The following CHUK variants were observed in gnomAD, a reference collection of about 807,000 sequenced individuals.
CHUK encodes the protein component of inhibitor of nuclear factor kappa B kinase complex.
A neutral mutation model predicts 104.8 loss-of-function variants in CHUK; 35 were observed. That is an observed-to-expected ratio of 0.33 (90% CI 0.26 to 0.44). The LOEUF (loss-of-function observed/expected upper bound fraction) is 0.44, where lower values mean the gene tolerates loss of function less well. CHUK is among the 20% of genes least tolerant of loss of function. The pLI, the probability that CHUK is intolerant of heterozygous loss-of-function variation, is 1.00. For missense variants in CHUK, 663 were observed against 902.7 expected (o/e 0.73, Z 3.40); for synonymous variants, 276 against 291.9 (o/e 0.95, Z 0.56).
intron 1 of CHUK, 123 bp downstream of exon 1, chr10:100,229,305 C>T: frequency 1.3e-6 from 1 of 743,784 alleles, no homozygotes; most frequent in Non-Finnish European, 2.4e-6. Context: ...AGCCCACTGG[C>T]CCCCAAATAC....
chr10:100,227,710 T>C (rs17885645), intron 1 of CHUK, among the ~76,000 whole-genome samples: 44,020 of 152,102 alleles, frequency 0.29, 8,049 homozygotes, highest in Non-Finnish European at 0.43. Flanking sequence ...TTCACAAAAC[T>C]TCCTCAGTTC....
Position 100,229,573 on chromosome 10 carries a change from C to A in CHUK, c.-41G>T. 2 of 1,322,250 alleles carry A rather than the reference C, an allele frequency of 1.5e-6. No individual in the cohort carries two copies. Among genetic ancestry groups the A allele is most frequent in the South Asian group, 2.6e-5 (2 of 76,766 alleles). The allele number at this position is 1,322,250 out of a possible 1,614,324, so 81.9% of individuals were successfully genotyped here. On this transcript the variant is annotated 5_prime_UTR_variant, in exon 1 of 21. Coordinates refer to ENST00000370397, the MANE Select transcript of CHUK (RefSeq NM_001278.5). ...GCGGCCTCAGGTTCCACAGTTGTTCCAAGGCCGGTTCCGGGCCGCCGATGC... is the reference window on the plus strand; with the variant it reads ...GCGGCCTCAGGTTCCACAGTTGTTCAAAGGCCGGTTCCGGGCCGCCGATGC...
intron 4 of CHUK, among the ~76,000 whole-genome samples, chr10:100,221,038 G>C (rs933670351): frequency 1.1e-4 from 16 of 152,084 alleles, no homozygotes; most frequent in African/African-American, 3.6e-4. Flanking sequence ...AAAATCTATG[G>C]GGAAACAAAT....
downstream of CHUK, chr10:100,187,912 T>C (rs1183869736): frequency 2.6e-5 from 4 of 152,264 alleles, no homozygotes; most frequent in Admixed American, 2.6e-4. Flanking sequence ...ATACTGCCTA[T>C]GTTGTTTCAG....
chr10:100,224,767 AG>A (rs1846068101), intron 2 of CHUK, among the ~76,000 whole-genome samples: 1 of 152,118 alleles, frequency 6.6e-6, no homozygotes, highest in South Asian at 2.1e-4. Context: ...GAAATGAAAT[AG>A]TTTTTTGATT....
chr10:100,191,293 T>C (rs1845196917), intron 19 of CHUK, among the ~76,000 whole-genome samples: 1 of 152,234 alleles, frequency 6.6e-6, no homozygotes, highest in Non-Finnish European at 1.5e-5. Flanking sequence ...AAAAAATCCT[T>C]GTGGCAAAGA....
At chr10:100,223,610 TAA>T (rs11287365) in intron 2 of CHUK, among the ~76,000 whole-genome samples, 1 of 147,128 alleles carries the variant, frequency 6.8e-6, no homozygotes, top group African/African-American at 2.5e-5. Flanking sequence ...ACATCTCTTT[TAA>T]AAAAAAAAAG....
intron 9 of CHUK, among the ~76,000 whole-genome samples, chr10:100,215,786 C>A (rs575962828): frequency 6.6e-6 from 1 of 152,238 alleles, no homozygotes; most frequent in African/African-American, 2.4e-5. Context: ...GGAAAATGTC[C>A]TACAGTAACA....
chr10:100,193,645 T>C (rs1845256099), intron 18 of CHUK: 1 of 620,370 alleles, frequency 1.6e-6, no homozygotes, highest in African/African-American at 1.9e-5. Context: ...TATCCACTCA[T>C]CTTATACCAT....
chr10:100,204,773 A>C, intron 12 of CHUK, 116 bp from the exon 13 acceptor site: 1 of 871,260 alleles, frequency 1.1e-6, no homozygotes, highest in South Asian at 1.6e-5. Context: ...AGTTTCTATT[A>C]TCAATCTATG....
intron 14 of CHUK, 75 bp downstream of exon 14, chr10:100,202,013 T>C (rs1450642788): frequency 2.7e-6 from 3 of 1,116,118 alleles, no homozygotes; most frequent in Non-Finnish European, 4.1e-6. Flanking sequence ...GCTCTTTATA[T>C]ATCAAAACCA....
Position 100,212,450 on chromosome 10 carries a change from G to C in CHUK, c.934-2661C>G, listed in dbSNP as rs545961820. Among the ~76,000 whole-genome samples, 29 of 152,244 alleles carry C rather than the reference G, an allele frequency of 1.9e-4. No individual in the cohort carries two copies. The South Asian group carries it at 2.3e-3, about 12-fold the overall frequency. On this transcript the variant is annotated intron_variant, in intron 9 of 20. Coordinates refer to ENST00000370397, the MANE Select transcript of CHUK (RefSeq NM_001278.5). The stretch of plus-strand genomic sequence containing the variant: ...ATCTGAATTTCTTCTTTTGAGAAGT[G>C]TCTAATTCAGGTCCTTTGCACATTT...
At chr10:100,205,823 G>C (rs917012423) in intron 11 of CHUK, among the ~76,000 whole-genome samples, 2 of 152,222 alleles carry the variant, frequency 1.3e-5, no homozygotes, top group African/African-American at 4.8e-5. Flanking sequence ...AGCTACTCGG[G>C]AGACTGAGAC....
intron 16 of CHUK, among the ~76,000 whole-genome samples, chr10:100,198,543 T>C (rs1845390025): frequency 6.6e-6 from 1 of 152,182 alleles, no homozygotes; most frequent in South Asian, 2.1e-4. Context: ...TCAATGAAAA[T>C]GTCAACATGG....
chr10:100,192,604 G>A (rs1845229951), intron 19 of CHUK: 2 of 985,496 alleles, frequency 2.0e-6, no homozygotes, highest in Non-Finnish European at 2.4e-6. Flanking sequence ...AGGAAATGCT[G>A]GTGCTGTAGA....
Position 100,229,542 on chromosome 10 carries a change from G to C in CHUK, c.-10C>G, listed in dbSNP as rs1004125378. ...CCGGGGGCCGCTCCATGGGGCGGGAGGGCAAGCGGCCTCAGGTTCCACAGT... is the reference window on the plus strand; with the variant it reads ...CCGGGGGCCGCTCCATGGGGCGGGACGGCAAGCGGCCTCAGGTTCCACAGT... On this transcript the variant is annotated 5_prime_UTR_variant, in exon 1 of 21. Transcript: ENST00000370397. 6.6e-6 allele frequency: 10 copies of C among 1,518,436 alleles called. No homozygotes were observed. Among genetic ancestry groups the C allele is most frequent in the Middle Eastern group, 4.1e-4 (2 of 4,920 alleles). The allele number at this position is 1,518,436 out of a possible 1,614,324, so 94.1% of individuals were successfully genotyped here.
At position 100,204,981 on chromosome 10, in the gene CHUK, T is replaced by C. The variant is rs1384001117; in HGVS notation, c.1355+95A>G. On this transcript the variant is annotated intron_variant, in intron 12 of 20. Coordinates refer to ENST00000370397, the MANE Select transcript of CHUK (RefSeq NM_001278.5). ...TTCAAATTGGCCCAGTATGTTACTA[T>C]TACATGCAATATTGATTAGTGAAAA... 2.9e-6 allele frequency: 4 copies of C among 1,403,094 alleles called. No homozygotes were observed. In the African/African-American group the frequency reaches 5.6e-5, roughly 20 times the overall value. 86.9% of individuals were successfully genotyped at this position (1,403,094 alleles called of 1,614,324 possible). A position where few individuals can be genotyped will look rare whatever the true frequency, so the allele number is the denominator to read the frequency against.
intron 5 of CHUK, among the ~76,000 whole-genome samples, chr10:100,220,246 G>A (rs891669544): frequency 2.0e-5 from 3 of 151,816 alleles, no homozygotes; most frequent in Admixed American, 6.6e-5. Context: ...AATAATAAGT[G>A]TTAACATATT....
intron 10 of CHUK, 53 bp downstream of exon 10, chr10:100,209,542 G>A (rs746934606): frequency 5.3e-6 from 6 of 1,132,802 alleles, no homozygotes; most frequent in African/African-American, 4.6e-5. Flanking sequence ...TGCAGGGCAC[G>A]CAATCCCTCT....
Sources: gnomAD v4.1 joint callset for allele counts (sites outside exome capture counted in the v4.1 genomes callset) on GRCh38, gnomAD v4.1.1 for gene constraint, MANE v1.5 for transcripts, NCBI Gene and HGNC (gene_info 2026-07-23, HGNC 2026-07-21) for gene names.